Variants in G3BP1 observed in about 807,000 individuals in gnomAD.
G3BP1 encodes the protein ras GTPase-activating protein-binding protein 1.
Under a neutral mutation model 58.6 loss-of-function variants are expected in G3BP1, and 35 were observed. The ratio of observed to expected loss-of-function variants is 0.60; its 90% confidence interval spans 0.46 to 0.79. G3BP1 has a LOEUF of 0.79. G3BP1 is among the 30% of genes least tolerant of loss of function. G3BP1 has a pLI of 0.00. For missense variants in G3BP1, 523 were observed against 580.8 expected, an observed-to-expected ratio of 0.90 and a Z score of 1.02; for synonymous variants, 191 against 195.4, an observed-to-expected ratio of 0.98 and a Z score of 0.19.
Position 151,801,363 on chromosome 5 carries a change from T to G in G3BP1, c.1194+494T>G, listed in dbSNP as rs916895923. ...ATCCTTACTAACAGTACTCTTACTC[T>G]GTACGTTCTAATAATAGAAGAATTT... On this transcript the variant is annotated intron_variant, in intron 11 of 11. Transcript: ENST00000356245. Among the ~76,000 whole-genome samples the G allele has an allele frequency of 5.9e-5, 9 of 152,358 alleles. 1 individual carries two copies. The highest frequency in any genetic ancestry group is 5.2e-4 in the Admixed American group (8 of 15,302).
At chr5:151,798,262 A>AT (rs1762790620) in intron 7 of G3BP1, among the ~76,000 whole-genome samples, 1 of 151,988 alleles carries the variant, frequency 6.6e-6, no homozygotes, top group African/African-American at 2.4e-5. Flanking sequence ...AGGTAGGAGG[A>AT]TGGCTTAGCC....
rs746867993 is a variant in G3BP1, at chr5:151,787,759, G to A, written c.95+1044G>A. On this transcript the variant is annotated intron_variant, in intron 2 of 11. Coordinates refer to ENST00000356245, the MANE Select transcript of G3BP1 (RefSeq NM_005754.3). The stretch of plus-strand genomic sequence containing the variant: ...AGAACTATTTTTTCCCTTACACCTT[G>A]ACCAGCTTGCATATTGGATACCACA... The A allele has an allele frequency of 2.7e-4, 77 of 286,010 alleles. 1 individual carries two copies. Among genetic ancestry groups the A allele is most frequent in the Admixed American group, 4.3e-4 (10 of 23,016 alleles). The allele number at this position is 286,010 out of a possible 1,614,324, so 17.7% of individuals were successfully genotyped here. A position where few individuals can be genotyped will look rare whatever the true frequency, so the allele number is the denominator to read the frequency against.
chr5:151,780,477 C>A (rs900077912), intron 1 of G3BP1, among the ~76,000 whole-genome samples: 1 of 152,138 alleles, frequency 6.6e-6, no homozygotes, highest in African/African-American at 2.4e-5. Context: ...CCCTGCCCGT[C>A]TGTTAAAAAT....
rs1433220143 is a variant in G3BP1, at chr5:151,811,083, C to T, written c.*6992C>T. 6.6e-6 allele frequency: 1 copy of T among 152,242 alleles called. No individual in the cohort carries two copies. The highest frequency in any genetic ancestry group is 1.9e-4 in the East Asian group (1 of 5,204). The allele number at this position is 152,242 out of a possible 1,614,324, so 9.4% of individuals were successfully genotyped here. ...GTTATTCCCCACATCCAGTCTTCAG[C>T]TAAGTCCTGTCAGTTCTACCTCAAG... On this transcript the variant is annotated 3_prime_UTR_variant, in exon 12 of 12. Transcript: ENST00000356245.
intron 1 of G3BP1, among the ~76,000 whole-genome samples, chr5:151,774,923 C>T (rs1422629727): frequency 7.7e-6 from 1 of 130,460 alleles, no homozygotes; most frequent in Non-Finnish European, 1.7e-5. Context: ...CAGAAATCAG[C>T]TATTTACTTT....
intron 1 of G3BP1, among the ~76,000 whole-genome samples, chr5:151,781,379 C>T (rs779479958): frequency 3.9e-5 from 6 of 152,174 alleles, no homozygotes; most frequent in Non-Finnish European, 7.3e-5. Flanking sequence ...TTGCAATGTG[C>T]TTGTGTTGCA....
chr5:151,800,659 A>G, intron 10 of G3BP1, 101 bp from the exon 11 acceptor site: 1 of 761,284 alleles, frequency 1.3e-6, no homozygotes, highest in Non-Finnish European at 2.4e-6. Context: ...TCAAGTGCTC[A>G]GTAGTCACAT....
chr5:151,774,414 G>A (rs1762330532), intron 1 of G3BP1, among the ~76,000 whole-genome samples: 1 of 151,206 alleles, frequency 6.6e-6, no homozygotes, highest in Non-Finnish European at 1.5e-5. Context: ...TTAAGTTTTT[G>A]TAAAAGTTTG....
At chr5:151,789,288 T>G (rs1407407339) in intron 2 of G3BP1, among the ~76,000 whole-genome samples, 1 of 151,338 alleles carries the variant, frequency 6.6e-6, no homozygotes, top group Non-Finnish European at 1.5e-5. Flanking sequence ...ATACTAAAAA[T>G]ACAAAAAAAG....
intron 1 of G3BP1, among the ~76,000 whole-genome samples, chr5:151,782,478 G>A (rs1198356383): frequency 6.6e-6 from 1 of 152,098 alleles, no homozygotes; most frequent in Non-Finnish European, 1.5e-5. Context: ...TCAAGGTCAT[G>A]TTTAATAATA....
At chr5:151,799,655 A>T (rs569868490) in intron 8 of G3BP1, among the ~76,000 whole-genome samples, 17 of 152,132 alleles carry the variant, frequency 1.1e-4, no homozygotes, top group African/African-American at 4.1e-4. Context: ...ACTGCACTGC[A>T]TCATGGGCGA....
chr5:151,791,761 G>A, intron 4 of G3BP1: 1 of 189,458 alleles, frequency 5.3e-6, no homozygotes, highest in Non-Finnish European at 1.1e-5. Context: ...GTTTCAGGCT[G>A]TCCTCCTGAC....
intron 5 of G3BP1, 36 bp downstream of exon 5, chr5:151,794,285 T>C: frequency 8.2e-7 from 1 of 1,215,034 alleles, no homozygotes; most frequent in Non-Finnish European, 1.2e-6. Flanking sequence ...CTTGTCTAAA[T>C]TTTTTTTAAT....
intron 1 of G3BP1, among the ~76,000 whole-genome samples, chr5:151,779,167 G>A (rs1253476874): frequency 6.6e-6 from 1 of 151,982 alleles, no homozygotes; most frequent in Non-Finnish European, 1.5e-5. Context: ...AGGGCAGATG[G>A]TTTTAATTTT....
rs10074267 is a variant in G3BP1, at chr5:151,795,578, A to T, written c.539+3A>T. On this transcript the variant is annotated splice_donor_region_variant and intron_variant, in intron 6 of 11. Transcript: ENST00000356245. Reference sequence around the variant, plus strand: ...TTCTATGATCAGGCAGTTGTCAGGTAAGAAGATTTTGTTCACATGTCCGGG... The same window carrying T: ...TTCTATGATCAGGCAGTTGTCAGGTTAGAAGATTTTGTTCACATGTCCGGG... 0.16 allele frequency: 244,175 copies of T among 1,527,656 alleles called. 21,671 individuals carry two copies. The highest frequency in any genetic ancestry group is 0.33 in the African/African-American group (23,927 of 72,906). 94.6% of individuals were successfully genotyped at this position (1,527,656 alleles called of 1,614,324 possible).
At chr5:151,799,007 C>T (rs1315590884) in intron 7 of G3BP1, among the ~76,000 whole-genome samples, 1 of 151,992 alleles carries the variant, frequency 6.6e-6, no homozygotes, top group Non-Finnish European at 1.5e-5. Context: ...CTCGGATTTG[C>T]TTGGTACTTG....
At chr5:151,802,249 C>G (rs1762867785) in intron 11 of G3BP1, among the ~76,000 whole-genome samples, 1 of 152,200 alleles carries the variant, frequency 6.6e-6, no homozygotes, top group South Asian at 2.1e-4. Flanking sequence ...AATGAGAGAA[C>G]AGTGGTTTAT....
At chr5:151,790,074 T>G (rs1308310491) in intron 2 of G3BP1, among the ~76,000 whole-genome samples, 1 of 141,834 alleles carries the variant, frequency 7.1e-6, no homozygotes, top group Non-Finnish European at 1.5e-5. Flanking sequence ...TTTGGGAAGC[T>G]GAGGTGCCAT....
chr5:151,790,840 T>C, intron 3 of G3BP1, 49 bp from the exon 4 acceptor site: 1 of 1,110,846 alleles, frequency 9.0e-7, no homozygotes, highest in Non-Finnish European at 1.3e-6. Context: ...GTTATTTAAA[T>C]TTTAAGGCAT....
Sources: allele counts gnomAD v4.1 joint callset (sites outside exome capture counted in the v4.1 genomes callset), GRCh38; gene constraint gnomAD v4.1.1; transcripts MANE v1.5; gene names NCBI Gene and HGNC (gene_info 2026-07-23, HGNC 2026-07-21).